Variants in EPHA6 observed in about 807,000 individuals in gnomAD.
EPHA6 encodes EPH receptor A6.
EPHA6 carries 50 observed loss-of-function variants against 112.0 expected under a neutral mutation model. The ratio of observed to expected loss-of-function variants is 0.45; its 90% CI spans 0.36 to 0.56. The LOEUF (loss-of-function observed/expected upper bound fraction) is 0.56. Among genes scored for constraint, EPHA6 ranks in the 20% least tolerant of loss-of-function variants. The pLI, the probability that EPHA6 is intolerant of heterozygous loss-of-function variation, is 0.00. For synonymous variants in EPHA6, 529 were observed against 490.7 expected, an observed-to-expected ratio of 1.08 and a Z score of -1.03; for missense variants, 1,280 against 1,417.4, an observed-to-expected ratio of 0.90 and a Z score of 1.56.
At chr3:97,678,827 TTA>T (rs1274520512) in intron 14 of EPHA6, among the ~76,000 whole-genome samples, 3 of 152,218 alleles carry the variant, frequency 2.0e-5, no homozygotes, top group Middle Eastern at 3.2e-3. Context: ...TGAAATAGTT[TTA>T]TATGTGTTTG....
chr3:97,379,666 T>A (rs2085597618), intron 5 of EPHA6, among the ~76,000 whole-genome samples: 1 of 148,988 alleles, frequency 6.7e-6, no homozygotes, highest in East Asian at 2.0e-4. Context: ...GGAGAATTGT[T>A]TGAACCTGGG....
intron 2 of EPHA6, among the ~76,000 whole-genome samples, chr3:96,918,983 A>T (rs1576031296): frequency 6.6e-6 from 1 of 151,958 alleles, no homozygotes; most frequent in African/African-American, 2.4e-5. Flanking sequence ...CATTATTTTG[A>T]AATCTTAAAT....
intron 10 of EPHA6, among the ~76,000 whole-genome samples, chr3:97,501,300 T>C (rs1402716143): frequency 6.6e-6 from 1 of 151,392 alleles, no homozygotes; most frequent in African/African-American, 2.5e-5. Context: ...AAGATCTGAA[T>C]GATACAATTT....
chr3:97,659,259 G>T lies in EPHA6; in HGVS notation c.2784+21177G>T, dbSNP rs181662211. 2.0e-5 allele frequency among the ~76,000 whole-genome samples: 3 copies of T among 152,020 alleles called. No individual in the cohort carries two copies. In the East Asian group the frequency reaches 5.8e-4, roughly 29 times the overall value. On this transcript the variant is annotated intron_variant, in intron 14 of 17. Coordinates refer to ENST00000389672, the MANE Select transcript of EPHA6 (RefSeq NM_001080448.3). ...AAAATTAGAAAAAGGAATTATTAAA[G>T]TGAAAAAGTTTGTGTTTAGAACAAA... is the stretch of plus-strand genomic sequence containing the variant.
chr3:97,032,792 A>G (rs2044919343), intron 3 of EPHA6, among the ~76,000 whole-genome samples: 1 of 151,964 alleles, frequency 6.6e-6, no homozygotes, highest in Non-Finnish European at 1.5e-5. Context: ...CCCAGACCTT[A>G]CCTATTGCCC....
chr3:97,158,790 T>C (rs780228925), intron 3 of EPHA6, among the ~76,000 whole-genome samples: 2 of 152,154 alleles, frequency 1.3e-5, no homozygotes, highest in African/African-American at 2.4e-5. Flanking sequence ...CAATCAGATA[T>C]GCATTTGTGT....
intron 13 of EPHA6, among the ~76,000 whole-genome samples, chr3:97,632,669 G>A (rs2093913557): frequency 6.6e-6 from 1 of 152,018 alleles, no homozygotes; most frequent in African/African-American, 2.4e-5. Context: ...TCCTGGAAGA[G>A]GAAACTGTAT....
intron 13 of EPHA6, among the ~76,000 whole-genome samples, chr3:97,631,640 T>C (rs2093903461): frequency 1.3e-5 from 2 of 152,032 alleles, no homozygotes; most frequent in African/African-American, 4.8e-5. Flanking sequence ...ACCAGATTTG[T>C]GAGGAATCTG....
chr3:97,178,842 C>A (rs1455637503), intron 3 of EPHA6, among the ~76,000 whole-genome samples: 4 of 152,062 alleles, frequency 2.6e-5, no homozygotes, highest in Non-Finnish European at 5.9e-5. Context: ...GTTAAATCTG[C>A]TTTGTCTTCT....
At chr3:97,460,215 A>G (rs1009949625) in intron 7 of EPHA6, among the ~76,000 whole-genome samples, 1 of 152,224 alleles carries the variant, frequency 6.6e-6, no homozygotes, top group Non-Finnish European at 1.5e-5. Flanking sequence ...GCTCATGAGG[A>G]TTCTCCTCTT....
At chr3:97,399,106 TC>T (rs2109097481) in intron 5 of EPHA6, among the ~76,000 whole-genome samples, 1 of 151,608 alleles carries the variant, frequency 6.6e-6, no homozygotes, top group African/African-American at 2.4e-5. Flanking sequence ...GCCACTTCCC[TC>T]CCCTTCCAAG....
At chr3:96,998,226 C>T (rs1177661445) in intron 3 of EPHA6, among the ~76,000 whole-genome samples, 1 of 151,866 alleles carries the variant, frequency 6.6e-6, no homozygotes, top group African/African-American at 2.4e-5. Flanking sequence ...TACCATGTTA[C>T]CCATGTCACC....
At chr3:97,489,702 GAA>G (rs1037861076) in intron 10 of EPHA6, among the ~76,000 whole-genome samples, 1 of 146,348 alleles carries the variant, frequency 6.8e-6, no homozygotes, top group Non-Finnish European at 1.5e-5. Flanking sequence ...AAAAAAAAAA[GAA>G]ACTCAAAACT....
chr3:97,532,566 T>C, intron 11 of EPHA6, 23 bp downstream of exon 11: 1 of 1,569,552 alleles, frequency 6.4e-7, no homozygotes, highest in Non-Finnish European at 8.6e-7. Flanking sequence ...GTTTCTTCAT[T>C]ACTTCTTTCA....
intron 1 of EPHA6, among the ~76,000 whole-genome samples, chr3:96,825,282 T>C (rs2033573647): frequency 6.6e-6 from 1 of 151,784 alleles, no homozygotes; most frequent in Non-Finnish European, 1.5e-5. Flanking sequence ...TTTTAAAGCT[T>C]TATCTTACCC....
chr3:97,680,700 C>T (rs1370465489), intron 14 of EPHA6, among the ~76,000 whole-genome samples: 1 of 152,098 alleles, frequency 6.6e-6, no homozygotes, highest in East Asian at 1.9e-4. Flanking sequence ...GATCATATCC[C>T]CAGTGTCAAA....
chr3:97,642,494 G>A lies in EPHA6; in HGVS notation c.2784+4412G>A, dbSNP rs968694786. ...GCTTCAGACGATCAAATTACTCGGAGCTACGGGAGGACATTCAAACCAAAG... is the reference window on the plus strand; with the variant it reads ...GCTTCAGACGATCAAATTACTCGGAACTACGGGAGGACATTCAAACCAAAG... On this transcript the variant is annotated intron_variant, in intron 14 of 17. Transcript: ENST00000389672. Among the ~76,000 whole-genome samples the A allele has an allele frequency of 1.3e-3, 193 of 146,234 alleles. 1 individual carries two copies. Among genetic ancestry groups the A allele is most frequent in the Non-Finnish European group, 2.2e-3 (143 of 66,218 alleles).
chr3:97,027,310 G>C (rs1371041861), intron 3 of EPHA6, among the ~76,000 whole-genome samples: 4 of 152,110 alleles, frequency 2.6e-5, no homozygotes, highest in Non-Finnish European at 5.9e-5. Flanking sequence ...TTAGAGGAGG[G>C]AGAGGATCAG....
chr3:97,563,817 A>G (rs1450213876), intron 11 of EPHA6, among the ~76,000 whole-genome samples: 1 of 152,152 alleles, frequency 6.6e-6, no homozygotes, highest in Non-Finnish European at 1.5e-5. Flanking sequence ...CTACAAATTA[A>G]TTATAATAAT....
Sources: allele counts gnomAD v4.1 joint callset (sites outside exome capture counted in the v4.1 genomes callset), GRCh38; gene constraint gnomAD v4.1.1; transcripts MANE v1.5; gene names NCBI Gene and HGNC (gene_info 2026-07-23, HGNC 2026-07-21).